The following DISC1 variants were observed in gnomAD, a reference collection of about 807,000 sequenced individuals.
DISC1 encodes DISC1 scaffold protein.
A neutral mutation model predicts 84.5 loss-of-function variants in DISC1; 57 were observed. That is an observed-to-expected ratio of 0.67 (90% confidence interval 0.55 to 0.84). The LOEUF (loss-of-function observed/expected upper bound fraction) is 0.84. DISC1 is among the 40% of genes least tolerant of loss of function. The probability of loss-of-function intolerance (pLI) is 0.00; values close to 1 mark genes in which losing one functional copy is unlikely to be tolerated. For synonymous variants in DISC1, 411 were observed against 415.2 expected, an observed-to-expected ratio of 0.99 and a Z score of 0.12; for missense variants, 1,000 against 1,057.8, an observed-to-expected ratio of 0.95 and a Z score of 0.76.
chr1:231,864,617 C>T (rs531482861), intron 9 of DISC1, among the ~76,000 whole-genome samples: 1 of 152,156 alleles, frequency 6.6e-6, no homozygotes, highest in South Asian at 2.1e-4. Context: ...GAGCCAAGAT[C>T]GCACCACTGC....
rs530642112 is a variant in DISC1 at position 231,642,067 on chromosome 1, C to T, written c.67+15133C>T. On this transcript the variant is annotated intron_variant, in intron 1 of 12. Coordinates refer to ENST00000439617, the MANE Select transcript of DISC1 (RefSeq NM_018662.3). ...GAAGGGCGGGGAGGCTCAGGCATGG[C>T]GGGCTGCAGGTCCCCAGCCCTGCCC... Among the ~76,000 whole-genome samples the T allele has an allele frequency of 2.9e-3, 443 of 152,322 alleles. 2 individuals are homozygous for T. The highest frequency in any genetic ancestry group is 5.1e-3 in the Non-Finnish European group (345 of 68,012).
intron 10 of DISC1, among the ~76,000 whole-genome samples, chr1:231,994,324 A>C (rs1187251642): frequency 6.6e-6 from 1 of 152,184 alleles, no homozygotes; most frequent in East Asian, 1.9e-4. Flanking sequence ...GACTCCTTGC[A>C]TGACAGCTGG....
At chr1:231,725,268 A>G (rs1166922422) in intron 3 of DISC1, among the ~76,000 whole-genome samples, 1 of 152,170 alleles carries the variant, frequency 6.6e-6, no homozygotes, top group East Asian at 1.9e-4. Context: ...AACTGGCAAG[A>G]CTTATTTTGT....
intron 3 of DISC1, among the ~76,000 whole-genome samples, chr1:231,743,618 G>A (rs1424401393): frequency 6.6e-6 from 1 of 152,194 alleles, no homozygotes; most frequent in Non-Finnish European, 1.5e-5. Context: ...TAAGGAATGG[G>A]TACATTTCAG....
intron 1 of DISC1, among the ~76,000 whole-genome samples, chr1:231,679,978 A>AGGT (rs1335253505): frequency 2.4e-4 from 36 of 152,242 alleles, no homozygotes; most frequent in African/African-American, 8.7e-4. Flanking sequence ...CTGTAATCCC[A>AGGT]GCACTTTGGG....
chr1:231,988,526 C>T (rs556606592), intron 10 of DISC1, among the ~76,000 whole-genome samples: 18 of 152,186 alleles, frequency 1.2e-4, no homozygotes, highest in Non-Finnish European at 2.2e-4. Flanking sequence ...TGCTGATTAG[C>T]GCCTGTATAA....
intron 12 of DISC1, among the ~76,000 whole-genome samples, chr1:232,034,982 C>G (rs776327975): frequency 2.6e-5 from 4 of 151,992 alleles, no homozygotes; most frequent in Non-Finnish European, 4.4e-5. Flanking sequence ...TCCTCAAGTT[C>G]AAATGCAAGG....
At chr1:231,940,396 C>T (rs996673228) in intron 9 of DISC1, among the ~76,000 whole-genome samples, 3 of 151,618 alleles carry the variant, frequency 2.0e-5, no homozygotes, top group Non-Finnish European at 4.4e-5. Flanking sequence ...AAGGGGGACA[C>T]TTGTTCTGCC....
intron 9 of DISC1, among the ~76,000 whole-genome samples, chr1:231,907,173 T>C (rs1194076094): frequency 1.1e-5 from 1 of 94,560 alleles, no homozygotes; most frequent in African/African-American, 4.5e-5. Context: ...TTCTTTCTCT[T>C]TCTTTTATTA....
intron 4 of DISC1, among the ~76,000 whole-genome samples, chr1:231,757,010 C>T (rs750434033): frequency 1.3e-5 from 2 of 152,116 alleles, no homozygotes; most frequent in African/African-American, 2.4e-5. Flanking sequence ...TCACACAGCC[C>T]AGAGCCTGGA....
intron 10 of DISC1, among the ~76,000 whole-genome samples, chr1:231,977,051 C>T (rs1476217575): frequency 6.6e-6 from 1 of 152,124 alleles, no homozygotes; most frequent in Non-Finnish European, 1.5e-5. Flanking sequence ...ACAGGAGTTC[C>T]TTTAGCAAGA....
chr1:231,768,766 C>G (rs1423052136), intron 5 of DISC1, among the ~76,000 whole-genome samples: 1 of 152,176 alleles, frequency 6.6e-6, no homozygotes, highest in Non-Finnish European at 1.5e-5. Flanking sequence ...AATAAAACCT[C>G]TATTAGACAA....
intron 1 of DISC1, among the ~76,000 whole-genome samples, chr1:231,627,720 G>C (rs1484790680): frequency 6.6e-6 from 1 of 152,248 alleles, no homozygotes; most frequent in African/African-American, 2.4e-5. Context: ...TTCTTGCTGG[G>C]TGAGGACAGG....
chr1:231,915,101 T>A (rs114491222), intron 9 of DISC1, among the ~76,000 whole-genome samples: 2,798 of 152,314 alleles, frequency 0.018, 46 homozygotes, highest in Middle Eastern at 0.024. Flanking sequence ...TTCTACTTGT[T>A]TTTGACGTTA....
intron 1 of DISC1, among the ~76,000 whole-genome samples, chr1:231,642,696 C>A (rs966074825): frequency 6.6e-6 from 1 of 152,068 alleles, no homozygotes; most frequent in African/African-American, 2.4e-5. Context: ...ATACAATTCT[C>A]CATTAGGACA....
chr1:231,657,475 C>A (rs1161579080), intron 1 of DISC1, among the ~76,000 whole-genome samples: 1 of 152,072 alleles, frequency 6.6e-6, no homozygotes, highest in Admixed American at 6.5e-5. Context: ...TGCAGAAGCT[C>A]TTTAGTTTAA....
intron 9 of DISC1, among the ~76,000 whole-genome samples, chr1:231,829,591 ATCC>A (rs2082082993): frequency 6.6e-6 from 1 of 152,082 alleles, no homozygotes; most frequent in Non-Finnish European, 1.5e-5. Flanking sequence ...GGCTCAAGTG[ATCC>A]ACCTGCCGTG....
rs555642897 is a variant in DISC1 at position 231,936,536 on chromosome 1, G to A, written c.1982-22292G>A. Among the ~76,000 whole-genome samples the A allele has an allele frequency of 6.2e-4, 95 of 152,288 alleles. 1 individual carries two copies. Among genetic ancestry groups the A allele is most frequent in the African/African-American group, 2.2e-3 (91 of 41,566 alleles). ...GTTTGAATGTTTTTATTTGTGGAAGGTAGATGTCATGAAGAGTTGCATAAT... is the reference window on the plus strand; with the variant it reads ...GTTTGAATGTTTTTATTTGTGGAAGATAGATGTCATGAAGAGTTGCATAAT... On this transcript the variant is annotated intron_variant, in intron 9 of 12. Transcript: ENST00000439617.
intron 9 of DISC1, among the ~76,000 whole-genome samples, chr1:231,820,444 C>T (rs767178148): frequency 2.0e-5 from 3 of 152,176 alleles, no homozygotes; most frequent in Admixed American, 6.5e-5. Context: ...TGTACCATGA[C>T]TCTTTTTAGC....
Sources: allele counts gnomAD v4.1 joint callset (sites outside exome capture counted in the v4.1 genomes callset), GRCh38; gene constraint gnomAD v4.1.1; transcripts MANE v1.5; gene names NCBI Gene and HGNC (gene_info 2026-07-23, HGNC 2026-07-21).